Variants in TUSC3 observed in about 807,000 individuals in gnomAD.
The protein encoded by TUSC3 is dolichyl-diphosphooligosaccharide--protein glycosyltransferase subunit TUSC3.
Under a neutral mutation model 44.8 loss-of-function variants are expected in TUSC3, and 45 were observed. The observed-to-expected ratio is 1.00, with a 90% CI of 0.79 to 1.29. The LOEUF (loss-of-function observed/expected upper bound fraction) is 1.29. Among genes scored for constraint, TUSC3 ranks in the 50% most tolerant of loss-of-function variants. TUSC3 has a pLI of 0.00. For synonymous variants in TUSC3, 212 were observed against 152.9 expected, an observed-to-expected ratio of 1.39 and a Z score of -2.85; for missense variants, 519 against 437.9, an observed-to-expected ratio of 1.19 and a Z score of -1.65.
the TUSC3 span, among the ~76,000 whole-genome samples, chr8:15,809,498 T>C: frequency 7.6e-6 from 1 of 131,176 alleles, no homozygotes; most frequent in African/African-American, 3.6e-5. Context: ...AGACCCCCCC[T>C]GTAGATGCCT....
At chr8:15,459,254 G>A (rs2129121596) in intron 1 of TUSC3, among the ~76,000 whole-genome samples, 1 of 152,228 alleles carries the variant, frequency 6.6e-6, no homozygotes, top group African/African-American at 2.4e-5. Flanking sequence ...CAATAATGGT[G>A]TTGACTGTCT....
the TUSC3 span, among the ~76,000 whole-genome samples, chr8:15,839,788 A>G: frequency 6.6e-6 from 1 of 152,144 alleles, no homozygotes; most frequent in Non-Finnish European, 1.5e-5. Context: ...AGGAATGTAA[A>G]CTAGTTCAAC....
the TUSC3 span, among the ~76,000 whole-genome samples, chr8:15,846,775 G>T: frequency 1.3e-5 from 2 of 151,866 alleles, no homozygotes. Context: ...TGTAGATGAC[G>T]GGTTGATGGG....
chr8:15,460,959 T>G (rs1023551955), intron 1 of TUSC3, among the ~76,000 whole-genome samples: 2 of 152,174 alleles, frequency 1.3e-5, no homozygotes, highest in Non-Finnish European at 2.9e-5. Flanking sequence ...AATCAGGTAG[T>G]GTGATGCCTC....
At chr8:15,564,753 C>T (rs765882630) in intron 1 of TUSC3, among the ~76,000 whole-genome samples, 9 of 152,002 alleles carry the variant, frequency 5.9e-5, no homozygotes, top group Admixed American at 4.6e-4. Flanking sequence ...TGATCTGTGT[C>T]GTCTGCAGCT....
intron 1 of TUSC3, among the ~76,000 whole-genome samples, chr8:15,449,283 A>G (rs927277197): frequency 2.0e-4 from 31 of 152,338 alleles, no homozygotes; most frequent in African/African-American, 7.0e-4. Flanking sequence ...CACATGTGCA[A>G]TTAAGCTTCA....
intron 1 of TUSC3, among the ~76,000 whole-genome samples, chr8:15,570,115 G>C (rs1042149646): frequency 6.6e-6 from 1 of 152,032 alleles, no homozygotes; most frequent in Non-Finnish European, 1.5e-5. Context: ...GTTATAGCTT[G>C]TCCATCGCAT....
chr8:15,473,343 A>C (rs1800521748), intron 1 of TUSC3, among the ~76,000 whole-genome samples: 1 of 152,206 alleles, frequency 6.6e-6, no homozygotes, highest in Non-Finnish European at 1.5e-5. Flanking sequence ...CTGAAAGGAA[A>C]TGTTTCATCC....
At chr8:15,427,431 A>G (rs1439440485) in intron 1 of TUSC3, among the ~76,000 whole-genome samples, 4 of 152,042 alleles carry the variant, frequency 2.6e-5, no homozygotes, top group East Asian at 3.9e-4. Context: ...AGTCTCCAAT[A>G]GAAAACACCA....
intron 2 of TUSC3, among the ~76,000 whole-genome samples, chr8:15,637,870 A>T (rs1806164183): frequency 6.6e-6 from 1 of 151,928 alleles, no homozygotes. Context: ...TTGCAGTGGC[A>T]TATTCTGATT....
At chr8:15,448,855 A>G (rs957999895) in intron 1 of TUSC3, among the ~76,000 whole-genome samples, 8 of 152,316 alleles carry the variant, frequency 5.3e-5, no homozygotes, top group Admixed American at 1.3e-4. Flanking sequence ...TGGTGATCTC[A>G]TAAGATCATA....
At chr8:15,845,204 T>G in the TUSC3 span, among the ~76,000 whole-genome samples, 40 of 152,118 alleles carry the variant, frequency 2.6e-4, no homozygotes, top group Non-Finnish European at 5.9e-5. Flanking sequence ...GTTTGAGTGG[T>G]AAGTCTAATC....
intron 6 of TUSC3, among the ~76,000 whole-genome samples, chr8:15,702,367 T>G (rs532235167): frequency 6.6e-6 from 1 of 152,300 alleles, no homozygotes; most frequent in South Asian, 2.1e-4. Flanking sequence ...AATTTTAGCT[T>G]TAGAATGCTT....
chr8:15,564,956 T>A (rs549150357), intron 1 of TUSC3, among the ~76,000 whole-genome samples: 1 of 152,146 alleles, frequency 6.6e-6, no homozygotes, highest in East Asian at 1.9e-4. Context: ...TGGGCAGATA[T>A]GAGGTTTGAA....
intron 2 of TUSC3, among the ~76,000 whole-genome samples, chr8:15,499,428 A>G (rs748480592): frequency 2.0e-5 from 3 of 151,886 alleles, no homozygotes; most frequent in Non-Finnish European, 4.4e-5. Flanking sequence ...TTCCAGTCAC[A>G]CTCCACGCCT....
At chr8:15,533,417 A>T (rs1172742715) in intron 2 of TUSC3, among the ~76,000 whole-genome samples, 1 of 152,192 alleles carries the variant, frequency 6.6e-6, no homozygotes, top group Admixed American at 6.5e-5. Flanking sequence ...GAACAGAGGG[A>T]TGACTTTGAG....
chr8:15,562,623 T>C (rs1289434082), intron 1 of TUSC3, among the ~76,000 whole-genome samples: 1 of 152,126 alleles, frequency 6.6e-6, no homozygotes, highest in Non-Finnish European at 1.5e-5. Flanking sequence ...TCTGAATCTC[T>C]GGGTCCTCTT....
intron 1 of TUSC3, among the ~76,000 whole-genome samples, chr8:15,472,475 C>A (rs566096508): frequency 1.3e-5 from 2 of 152,098 alleles, no homozygotes; most frequent in African/African-American, 4.8e-5. Flanking sequence ...TATCTCTGGC[C>A]GTTTCTTCCA....
At chr8:15,647,764 A>T (rs535245110) in intron 2 of TUSC3, among the ~76,000 whole-genome samples, 3 of 152,238 alleles carry the variant, frequency 2.0e-5, no homozygotes, top group African/African-American at 7.2e-5. Context: ...GAACATGTTT[A>T]TTTCAAACTT....
Sources: gnomAD v4.1 joint callset for allele counts (sites outside exome capture counted in the v4.1 genomes callset) on GRCh38, gnomAD v4.1.1 for gene constraint, MANE v1.5 for transcripts, NCBI Gene and HGNC (gene_info 2026-07-23, HGNC 2026-07-21) for gene names.